The following NSL1 variants were observed in gnomAD, a reference collection of about 807,000 sequenced individuals.
The protein encoded by NSL1 is kinetochore-associated protein NSL1 homolog.
Under a neutral mutation model 25.4 loss-of-function variants are expected in NSL1, and 11 were observed. The observed-to-expected ratio is 0.43, with a 90% CI of 0.27 to 0.72. The LOEUF (loss-of-function observed/expected upper bound fraction) is 0.72. NSL1 is among the 30% of genes least tolerant of loss of function. The probability of loss-of-function intolerance (pLI) is 0.19; values close to 1 mark genes in which losing one functional copy is unlikely to be tolerated. For missense variants in NSL1, 330 were observed against 342.7 expected, an observed-to-expected ratio of 0.96 and a Z score of 0.29; for synonymous variants, 118 against 120.6, an observed-to-expected ratio of 0.98 and a Z score of 0.14.
intron 4 of NSL1, among the ~76,000 whole-genome samples, chr1:212,778,090 TG>T (rs150344490): frequency 0.023 from 3,461 of 152,302 alleles, 61 homozygotes; most frequent in South Asian, 0.041. Context: ...ATTGATGGAC[TG>T]GGTATGAGGA....
intron 4 of NSL1, among the ~76,000 whole-genome samples, chr1:212,764,289 A>T (rs1217841633): frequency 1.3e-5 from 2 of 152,246 alleles, no homozygotes; most frequent in African/African-American, 4.8e-5. Context: ...TGCTAAGAGG[A>T]AAGTTCACAG....
rs1315729110 is a variant in NSL1 at position 212,733,879 on chromosome 1, T to C, written c.*4529A>G. On this transcript the variant is annotated 3_prime_UTR_variant, in exon 6 of 6. Transcript: ENST00000366977. ...ATTATCTCTTTGATAATTTTGACTC[T>C]GCTGCTTTTTCTGCATGCTATCTCT... Among the ~76,000 whole-genome samples, 1 of 152,236 alleles carries C rather than the reference T, an allele frequency of 6.6e-6. No homozygotes were observed. The highest frequency in any genetic ancestry group is 1.5e-5 in the Non-Finnish European group (1 of 68,038).
rs1008238689 is a variant in NSL1 at position 212,737,430 on chromosome 1, CAGTT to C, written c.*974_*977del. 7.1e-6 allele frequency: 7 copies of C among 985,108 alleles called. No homozygotes were observed. The African/African-American group carries it at 8.7e-5, about 12-fold the overall frequency. 61.0% of individuals were successfully genotyped at this position (985,108 alleles called of 1,614,324 possible). ...GTATCAGAGTCATCAAAAGGGGAAA[CAGTT>C]GGTAAGTTTGATGGCCCTGCCTACA... On this transcript the variant is annotated 3_prime_UTR_variant, in exon 6 of 6. Coordinates refer to ENST00000366977, the MANE Select transcript of NSL1 (RefSeq NM_015471.4).
chr1:212,784,473 CA>C lies in NSL1; in HGVS notation c.333del (p.Glu112LysfsTer8). ...ACTATGATTTCATCAAACTGATCTTCAAGTACTTTGATGTCAGAATCTATTT... is the reference window on the plus strand; with the variant it reads ...ACTATGATTTCATCAAACTGATCTTCAGTACTTTGATGTCAGAATCTATTT... ...NCFMDSDIKV[L>X]EDQFDEIIVD... On this transcript the variant is annotated frameshift_variant, in exon 3 of 6. Transcript: ENST00000366977. LOFTEE classifies it high-confidence loss of function. 1 of 1,558,242 alleles carries C rather than the reference CA, an allele frequency of 6.4e-7. No homozygotes were observed. The highest frequency in any genetic ancestry group is 1.7e-4 in the Middle Eastern group (1 of 5,784).
At chr1:212,787,490 CA>C in intron 2 of NSL1, 68 bp downstream of exon 2, 1 of 1,110,292 alleles carries the variant, frequency 9.0e-7, no homozygotes, top group Admixed American at 2.2e-5. Flanking sequence ...GATTAAAAAA[CA>C]GCATTCAAAA....
chr1:212,747,719 A>C (rs746368246), intron 4 of NSL1, among the ~76,000 whole-genome samples: 126 of 152,328 alleles, frequency 8.3e-4, no homozygotes, highest in Non-Finnish European at 1.1e-3. Flanking sequence ...CAAAGGAATA[A>C]ATTTAGGCTT....
intron 3 of NSL1, 109 bp from the exon 4 acceptor site, chr1:212,782,535 GA>G (rs1044997414): frequency 3.3e-5 from 27 of 825,498 alleles, no homozygotes; most frequent in Admixed American, 7.0e-5. Context: ...TTCTTTTGAG[GA>G]AAAAAAATTA....
chr1:212,738,444 A>C lies in NSL1; in HGVS notation c.810T>G (p.Tyr270Ter). ...GATTAATTTTCTTTGGCCGCAATGGATACCATTTTCTCTGGGGGCAGTCTT... is the reference window on the plus strand; with the variant it reads ...GATTAATTTTCTTTGGCCGCAATGGCTACCATTTTCTCTGGGGGCAGTCTT... The part of the protein sequence containing the change: ...QTKDCPQRKW[Y>*]PLRPKKINLD... The change falls in exon 6 of 6, where the codon TAT becomes TAG. Residue 270 changes from tyrosine to a stop codon, truncating the protein, a stop_gained. Transcript: ENST00000366977. LOFTEE classifies it high-confidence loss of function. The C allele has an allele frequency of 1.9e-6, 3 of 1,613,668 alleles. No individual in the cohort carries two copies. Among genetic ancestry groups the C allele is most frequent in the Non-Finnish European group, 2.5e-6 (3 of 1,179,918 alleles).
chr1:212,763,619 C>T (rs543808387), intron 4 of NSL1, among the ~76,000 whole-genome samples: 2 of 152,174 alleles, frequency 1.3e-5, no homozygotes, highest in South Asian at 2.1e-4. Flanking sequence ...AAACCAAAAG[C>T]GAGCAGTAGT....
At chr1:212,747,042 G>A (rs1305580736) in intron 4 of NSL1, among the ~76,000 whole-genome samples, 4 of 151,982 alleles carry the variant, frequency 2.6e-5, no homozygotes, top group South Asian at 2.1e-4. Context: ...CTACAAGGGA[G>A]GCTGAAGCAC....
In NSL1 at chr1:212,730,239, A is replaced by AC. The variant is rs1320055995; in HGVS notation, c.*8168_*8169insG. On this transcript the variant is annotated 3_prime_UTR_variant, in exon 6 of 6. Transcript: ENST00000366977. ...CACTCCAGCCTGGGTGACAGTCTCA[A>AC]AAAAAAAAAAAAAAAAAAAAAAAAA... 1 of 518,756 alleles carries AC rather than the reference A, an allele frequency of 1.9e-6. No homozygotes were observed. The allele number at this position is 518,756 out of a possible 1,614,324, so 32.1% of individuals were successfully genotyped here.
intron 4 of NSL1, among the ~76,000 whole-genome samples, chr1:212,780,500 T>TAAA (rs1285748863): frequency 5.0e-5 from 4 of 80,448 alleles, no homozygotes; most frequent in Non-Finnish European, 8.1e-5. Flanking sequence ...GAATGATCAA[T>TAAA]AAAAAAAAAA....
chr1:212,747,128 C>CAAA (rs138411233), intron 4 of NSL1, among the ~76,000 whole-genome samples: 4 of 128,264 alleles, frequency 3.1e-5, no homozygotes, highest in Admixed American at 7.6e-5. Context: ...GGCGACAGAG[C>CAAA]AAAAAAAAAA....
At chr1:212,749,760 G>T (rs1312610015) in intron 4 of NSL1, among the ~76,000 whole-genome samples, 1 of 151,902 alleles carries the variant, frequency 6.6e-6, no homozygotes, top group Non-Finnish European at 1.5e-5. Context: ...CTGAACAACA[G>T]CTGTTTTCTA....
At chr1:212,781,963 T>C (rs921866773) in intron 4 of NSL1, 5 of 434,074 alleles carry the variant, frequency 1.2e-5, no homozygotes, top group African/African-American at 4.1e-5. Flanking sequence ...ATATTTTTAT[T>C]TGATTTTAGA....
rs951153904 is a variant in NSL1 at position 212,730,517 on chromosome 1, T to C, written c.*7891A>G. 2.3e-5 allele frequency: 23 copies of C among 985,400 alleles called. 2 individuals are homozygous for C. The South Asian group carries it at 9.9e-4, about 42-fold the overall frequency. The allele number at this position is 985,400 out of a possible 1,614,324, so 61.0% of individuals were successfully genotyped here. ...TCAAGGTGATGATAGAAATGCCCAA[T>C]CTTTTACACAGGCACAGGAGTCAGC... On this transcript the variant is annotated 3_prime_UTR_variant, in exon 6 of 6. Transcript: ENST00000366977.
In NSL1 at chr1:212,745,205, C is replaced by T. The variant is rs373410948; in HGVS notation, c.500-5604G>A. 2.2e-3 allele frequency among the ~76,000 whole-genome samples: 158 copies of T among 71,860 alleles called. 1 individual carries two copies. Among genetic ancestry groups the T allele is most frequent in the African/African-American group, 0.013 (135 of 10,114 alleles). 47.1% of individuals were successfully genotyped at this position (71,860 alleles called of 152,430 possible). ...ATATATATATATATATATATATATG[C>T]ATATGCATATGCATAACAAGAGTCT... On this transcript the variant is annotated intron_variant, in intron 4 of 5. Coordinates refer to ENST00000366977, the MANE Select transcript of NSL1 (RefSeq NM_015471.4).
Position 212,735,142 on chromosome 1 carries a change from C to A in NSL1, c.*3266G>T, listed in dbSNP as rs1658180832. The A allele has an allele frequency of 8.2e-6, 2 of 243,332 alleles. No individual in the cohort carries two copies. Among genetic ancestry groups the A allele is most frequent in the Non-Finnish European group, 1.3e-5 (2 of 151,704 alleles). The allele number at this position is 243,332 out of a possible 1,614,324, so 15.1% of individuals were successfully genotyped here. ...ATAATGGTAGAACTGCAATCTGAAC[C>A]CAGATGATCTGGCTCAGAGACTATG... On this transcript the variant is annotated 3_prime_UTR_variant, in exon 6 of 6. Coordinates refer to ENST00000366977, the MANE Select transcript of NSL1 (RefSeq NM_015471.4).
chr1:212,791,556 C>T lies in NSL1; in HGVS notation c.208G>A (p.Glu70Lys), dbSNP rs1371774514. ...CACTGCGCATCTCGCAGAGCGGGCT[C>T]CCGAATCTCCTCCGGCAGAGCGTCC... ...LGDALPEEIREPALRDAQWTF... is the reference protein window; with the variant it reads ...LGDALPEEIRKPALRDAQWTF... The change falls in exon 1 of 6, where the codon GAG (glutamate) becomes AAG (lysine). Residue 70 changes from glutamate (E) to lysine (K), a missense_variant. Glu to Lys is a moderately conservative substitution (Grantham distance 56). Coordinates refer to ENST00000366977, the MANE Select transcript of NSL1 (RefSeq NM_015471.4). The T allele has an allele frequency of 6.2e-7, 1 of 1,613,762 alleles. No homozygotes were observed. Among genetic ancestry groups the T allele is most frequent in the Non-Finnish European group, 8.5e-7 (1 of 1,180,012 alleles).
Sources: allele counts gnomAD v4.1 joint callset (sites outside exome capture counted in the v4.1 genomes callset), GRCh38; gene constraint gnomAD v4.1.1; transcripts MANE v1.5; gene names NCBI Gene and HGNC (gene_info 2026-07-23, HGNC 2026-07-21).